Variants in KCTD16 observed in about 807,000 individuals in gnomAD.
The protein encoded by KCTD16 is potassium channel tetramerization domain containing 16, also known as BTB/POZ domain-containing protein KCTD16.
Under a neutral mutation model 33.2 loss-of-function variants are expected in KCTD16, and 13 were observed. The ratio of observed to expected loss-of-function variants is 0.39; its 90% confidence interval spans 0.25 to 0.62. The LOEUF is 0.62. Among genes scored for constraint, KCTD16 ranks in the 20% least tolerant of loss-of-function variants. KCTD16 has a pLI of 0.50. For synonymous variants in KCTD16, 197 were observed against 195.3 expected (o/e 1.01, Z -0.07); for missense variants, 441 against 525.1 (o/e 0.84, Z 1.57).
chr5:144,418,715 C>T (rs1753141746), intron 3 of KCTD16, among the ~76,000 whole-genome samples: 1 of 152,164 alleles, frequency 6.6e-6, no homozygotes, highest in South Asian at 2.1e-4. Context: ...CTCACTTTAA[C>T]AAGTGTGGAA....
At position 144,473,816 on chromosome 5, in the gene KCTD16, G is replaced by C; in HGVS notation, c.989G>C (p.Cys330Ser). The C allele has an allele frequency of 6.2e-7, 1 of 1,614,124 alleles. No homozygotes were observed. The highest frequency in any genetic ancestry group is 8.5e-7 in the Non-Finnish European group (1 of 1,180,010). The change falls in exon 4 of 4, where the codon TGT (cysteine) becomes TCT (serine). Residue 330 changes from cysteine to serine, a missense_variant. This residue lies in a region of KCTD16 where 355 missense variants were observed against 413.0 expected (regional missense o/e 0.86). Coordinates refer to ENST00000512467, the MANE Select transcript of KCTD16 (RefSeq NM_020768.4). ...AGCTCTCCCCAGGAGACGGTCATCT[G>C]TGGTCCCGTGACACGCCAGACCAAC... ...EASSPQETVI[C>S]GPVTRQTNIQ...
At chr5:144,274,676 G>A (rs566434565) in intron 3 of KCTD16, among the ~76,000 whole-genome samples, 1 of 152,092 alleles carries the variant, frequency 6.6e-6, no homozygotes, top group Non-Finnish European at 1.5e-5. Flanking sequence ...AGGTGAGGTG[G>A]GGTGCTGGCA....
In KCTD16 at chr5:144,204,571, G is replaced by A. The variant is rs187197154; in HGVS notation, c.-326-1818G>A. On this transcript the variant is annotated intron_variant, in intron 2 of 3. Coordinates refer to ENST00000512467, the MANE Select transcript of KCTD16 (RefSeq NM_020768.4). The stretch of plus-strand genomic sequence containing the variant: ...AGTCCTCTTGGGATGACTTGGGAGG[G>A]GCTGGGGGCACGTCCAAAGAGACGC... Among the ~76,000 whole-genome samples the A allele has an allele frequency of 2.7e-3, 415 of 152,220 alleles. 3 individuals are homozygous for A. Among genetic ancestry groups the A allele is most frequent in the African/African-American group, 9.7e-3 (401 of 41,538 alleles).
chr5:144,465,692 A>G (rs1194709368), intron 3 of KCTD16, among the ~76,000 whole-genome samples: 2 of 151,948 alleles, frequency 1.3e-5, no homozygotes, highest in African/African-American at 4.8e-5. Flanking sequence ...TATGACTCAT[A>G]AATGTTTTAA....
At chr5:144,205,179 T>G (rs1753132531) in intron 2 of KCTD16, 1 of 210,384 alleles carries the variant, frequency 4.8e-6, no homozygotes, top group Non-Finnish European at 9.4e-6. Context: ...GGGAAGTGGC[T>G]GCGCAGCACT....
chr5:144,360,886 AT>A (rs200467715), intron 3 of KCTD16, among the ~76,000 whole-genome samples: 1,889 of 149,176 alleles, frequency 0.013, 30 homozygotes, highest in African/African-American at 0.044. Flanking sequence ...CTTTTTTTTT[AT>A]TTTTTTTGGA....
chr5:144,299,072 A>ATATTTTTTTT (rs1491103244), intron 3 of KCTD16, among the ~76,000 whole-genome samples: 1 of 57,432 alleles, frequency 1.7e-5, no homozygotes, highest in African/African-American at 8.1e-5. Context: ...ATATATATAT[A>ATATTTTTTTT]TTTTTGTATA....
rs549930235 is a variant in KCTD16 at position 144,282,563 on chromosome 5, A to T, written c.832+75017A>T. ...GGTGACAACCTACTATTTGCATTTG[A>T]CATCTGAAGTTGGGAGCAGCCTCGT... On this transcript the variant is annotated intron_variant, in intron 3 of 3. Coordinates refer to ENST00000512467, the MANE Select transcript of KCTD16 (RefSeq NM_020768.4). 1.1e-4 allele frequency among the ~76,000 whole-genome samples: 17 copies of T among 152,294 alleles called. No homozygotes were observed. The South Asian group carries it at 3.1e-3, about 28-fold the overall frequency.
intron 3 of KCTD16, among the ~76,000 whole-genome samples, chr5:144,257,242 T>C (rs1934552113): frequency 6.6e-6 from 1 of 152,188 alleles, no homozygotes; most frequent in Non-Finnish European, 1.5e-5. Flanking sequence ...TCTAGAACAC[T>C]CTTGTCACCA....
intron 2 of KCTD16, among the ~76,000 whole-genome samples, chr5:144,204,487 T>G (rs1324767943): frequency 6.6e-6 from 1 of 152,188 alleles, no homozygotes; most frequent in African/African-American, 2.4e-5. Context: ...AATGATGCAC[T>G]TAAGGGAGCC....
chr5:144,269,512 G>C (rs1241484616), intron 3 of KCTD16, among the ~76,000 whole-genome samples: 1 of 151,982 alleles, frequency 6.6e-6, no homozygotes, highest in Admixed American at 6.6e-5. Flanking sequence ...AAAAGTGAGG[G>C]AAAAACCATT....
At chr5:144,239,084 T>C (rs1247432140) in intron 3 of KCTD16, among the ~76,000 whole-genome samples, 1 of 152,174 alleles carries the variant, frequency 6.6e-6, no homozygotes, top group Admixed American at 6.5e-5. Flanking sequence ...ACTTGTTGTG[T>C]GATTTTTAGC....
At chr5:144,328,513 A>AT (rs916014440) in intron 3 of KCTD16, among the ~76,000 whole-genome samples, 16 of 146,660 alleles carry the variant, frequency 1.1e-4, no homozygotes, top group Middle Eastern at 3.5e-3. Context: ...TTTTTTTTTT[A>AT]TTTTTTTTAT....
At position 144,475,684 on chromosome 5, in the gene KCTD16, T is replaced by A. The variant is rs921552619; in HGVS notation, c.*1570T>A. 1 of 152,650 alleles carries A rather than the reference T, an allele frequency of 6.6e-6. No individual in the cohort carries two copies. Among genetic ancestry groups the A allele is most frequent in the East Asian group, 1.9e-4 (1 of 5,198 alleles). 9.5% of individuals were successfully genotyped at this position (152,650 alleles called of 1,614,324 possible). ...TTTATTGCGTGTGTGTGCATGTGTGTATGTGTATCACAGGTAATAAAGGCA... is the reference window on the plus strand; with the variant it reads ...TTTATTGCGTGTGTGTGCATGTGTGAATGTGTATCACAGGTAATAAAGGCA... On this transcript the variant is annotated 3_prime_UTR_variant, in exon 4 of 4. Coordinates refer to ENST00000512467, the MANE Select transcript of KCTD16 (RefSeq NM_020768.4).
intron 3 of KCTD16, among the ~76,000 whole-genome samples, chr5:144,375,604 G>T (rs988312479): frequency 1.3e-5 from 2 of 152,124 alleles, no homozygotes; most frequent in Non-Finnish European, 2.9e-5. Context: ...TACTTGAAAG[G>T]TTCATGGAGT....
In KCTD16 at chr5:144,327,278, T is replaced by A. The variant is rs114571397; in HGVS notation, c.832+119732T>A. Reference sequence around the variant, plus strand: ...AGTAAGCCCTTCTCCTTGCTATGAGTGACATATACCTACTAGATTTGAAGA... The same window carrying A: ...AGTAAGCCCTTCTCCTTGCTATGAGAGACATATACCTACTAGATTTGAAGA... On this transcript the variant is annotated intron_variant, in intron 3 of 3. Coordinates refer to ENST00000512467, the MANE Select transcript of KCTD16 (RefSeq NM_020768.4). Among the ~76,000 whole-genome samples the A allele has an allele frequency of 3.3e-3, 498 of 152,238 alleles. 1 individual carries two copies. Among genetic ancestry groups the A allele is most frequent in the African/African-American group, 0.012 (479 of 41,544 alleles).
intron 3 of KCTD16, among the ~76,000 whole-genome samples, chr5:144,409,029 C>T (rs1752875446): frequency 6.6e-6 from 1 of 152,194 alleles, no homozygotes; most frequent in African/African-American, 2.4e-5. Flanking sequence ...ATAAATGCTT[C>T]ATGAGGACTG....
chr5:144,322,211 GCA>G (rs1271456102), intron 3 of KCTD16, among the ~76,000 whole-genome samples: 1 of 152,028 alleles, frequency 6.6e-6, no homozygotes, highest in African/African-American at 2.4e-5. Flanking sequence ...TGATAGGTAG[GCA>G]GAAGAGAATG....
In KCTD16 at chr5:144,473,686, C is replaced by T; in HGVS notation, c.859C>T (p.His287Tyr). Residue 287 changes from histidine to tyrosine, a missense_variant, in exon 4 of 4, where the codon CAC becomes TAC. This residue lies in a region of KCTD16 where 355 missense variants were observed against 413.0 expected (regional missense o/e 0.86). Transcript: ENST00000512467. Reference sequence around the variant, plus strand: ...TGAGCCTTCCAGATGGTCACCCTCACACTGCGATTGCTGCTGCAAGAATGG... The same window carrying T: ...TGAGCCTTCCAGATGGTCACCCTCATACTGCGATTGCTGCTGCAAGAATGG... ...YREPSRWSPS[H>Y]CDCCCKNGKG... 1 of 1,606,654 alleles carries T rather than the reference C, an allele frequency of 6.2e-7. No homozygotes were observed. Among genetic ancestry groups the T allele is most frequent in the Non-Finnish European group, 8.5e-7 (1 of 1,174,294 alleles).
Sources: gnomAD v4.1 joint callset for allele counts (sites outside exome capture counted in the v4.1 genomes callset) on GRCh38, gnomAD v4.1.1 for gene constraint, gnomAD v4.1.1 regional missense constraint, MANE v1.5 for transcripts, NCBI Gene and HGNC (gene_info 2026-07-23, HGNC 2026-07-21) for gene names.